The following CDKL5 variants were observed in gnomAD, a reference collection of about 807,000 sequenced individuals.
CDKL5 encodes cyclin-dependent kinase-like 5.
A neutral mutation model predicts 61.7 loss-of-function variants in CDKL5; 8 were observed. The ratio of observed to expected loss-of-function variants is 0.13; its 90% CI spans 0.08 to 0.23. The LOEUF (loss-of-function observed/expected upper bound fraction) is 0.23. Ranked by LOEUF, CDKL5 falls within the 10% of genes least tolerant of loss-of-function variation. The pLI, the probability that CDKL5 is intolerant of heterozygous loss-of-function variation, is 1.00. For synonymous variants in CDKL5, 275 were observed against 272.3 expected (o/e 1.01, Z -0.10); for missense variants, 440 against 734.5 (o/e 0.60, Z 4.63).
At chrX:18,647,488 C>G in intron 20 of CDKL5, 1 of 520,027 alleles carries the variant, frequency 1.9e-6, no homozygotes. Flanking sequence ...GCTGTGTCTT[C>G]AACGGTTCAC....
intron 4 of CDKL5, among the ~76,000 whole-genome samples, chrX:18,572,723 A>G: frequency 8.9e-6 from 1 of 112,085 alleles, no homozygotes; most frequent in East Asian, 2.8e-4. Flanking sequence ...GTATGGGCAG[A>G]GATTTCCTTA....
intron 1 of CDKL5, among the ~76,000 whole-genome samples, chrX:18,447,736 C>T (rs969961692): frequency 9.0e-6 from 1 of 111,727 alleles, no homozygotes; most frequent in African/African-American, 3.3e-5. Flanking sequence ...CTGGTTTTGA[C>T]TTCTTAGCCA....
intron 3 of CDKL5, among the ~76,000 whole-genome samples, chrX:18,563,287 T>C (rs751947786): frequency 1.8e-5 from 2 of 111,862 alleles, no homozygotes; most frequent in Admixed American, 1.9e-4. Flanking sequence ...CAATGTATTA[T>C]GGGAGAGTAG....
chrX:18,499,661 A>G (rs901623497), intron 1 of CDKL5, among the ~76,000 whole-genome samples: 15 of 111,030 alleles, frequency 1.4e-4, no homozygotes, highest in Non-Finnish European at 2.8e-4. Context: ...GAGCCACTGC[A>G]CCCGGCCAGT....
intron 16 of CDKL5, among the ~76,000 whole-genome samples, chrX:18,620,798 A>C (rs766470848): frequency 2.7e-5 from 3 of 110,305 alleles, no homozygotes; most frequent in East Asian, 2.8e-4. Flanking sequence ...CCCAGGCTGG[A>C]GTGCAGTGGC....
Position 18,630,828 on chromosome X carries a change from T to G in CDKL5, c.*2071T>G. ...ACCAGTTCAGTACTGTTTGGGTAGC[T>G]CTGAATTCTGGCTTTTCCAGGCAGC... On this transcript the variant is annotated 3_prime_UTR_variant, in exon 18 of 18. Transcript: ENST00000623535. 18 of 751,914 alleles carry G rather than the reference T, an allele frequency of 2.4e-5. No individual in the cohort carries two copies. Among genetic ancestry groups the G allele is most frequent in the Non-Finnish European group, 2.5e-5 (16 of 638,718 alleles). The allele number at this position is 751,914 out of a possible 1,213,427, so 62.0% of individuals were successfully genotyped here.
At chrX:18,506,608 A>G (rs1416152184) in intron 1 of CDKL5, among the ~76,000 whole-genome samples, 1 of 112,417 alleles carries the variant, frequency 8.9e-6, no homozygotes, top group Non-Finnish European at 1.9e-5. Context: ...TAAGTAGAAT[A>G]TAGTATTTGT....
Position 18,507,038 on chromosome X carries a change from C to T in CDKL5, c.-59C>T. ...GTTTTGGATCTTACTGCACAGCTTT[C>T]TGAGAAGTTCTTTTGGTGCCATGTT... is the stretch of plus-strand genomic sequence containing the variant. On this transcript the variant is annotated 5_prime_UTR_variant, in exon 2 of 18. Transcript: ENST00000623535. The T allele has an allele frequency of 1.1e-6, 1 of 894,326 alleles. No homozygotes were observed. Among genetic ancestry groups the T allele is most frequent in the Admixed American group, 2.2e-5 (1 of 45,445 alleles). 73.7% of individuals were successfully genotyped at this position (894,326 alleles called of 1,213,427 possible).
chrX:18,451,910 G>A (rs1163782474), intron 1 of CDKL5, among the ~76,000 whole-genome samples: 8 of 112,120 alleles, frequency 7.1e-5, no homozygotes, highest in African/African-American at 1.3e-4. Context: ...ATTGGAAGTC[G>A]GAAGAGAGAT....
chrX:18,567,056 C>T (rs964773128), intron 4 of CDKL5, among the ~76,000 whole-genome samples: 2 of 111,794 alleles, frequency 1.8e-5, no homozygotes, highest in Admixed American at 1.9e-4. Context: ...CCAGTCTGGC[C>T]CACTTACCTA....
chrX:18,426,050 G>T (rs942528856), intron 1 of CDKL5: 1 of 112,396 alleles, frequency 8.9e-6, no homozygotes, highest in African/African-American at 3.2e-5. Context: ...CCGCTCCCGC[G>T]GCACGAGCTC....
intron 1 of CDKL5, among the ~76,000 whole-genome samples, chrX:18,445,853 T>G (rs1931863370): frequency 9.0e-6 from 1 of 111,210 alleles, no homozygotes; most frequent in Non-Finnish European, 1.9e-5. Context: ...GGTAGTATCT[T>G]TAAAGCAGTG....
intron 3 of CDKL5, among the ~76,000 whole-genome samples, chrX:18,560,653 C>A (rs1034109426): frequency 9.0e-6 from 1 of 111,022 alleles, no homozygotes; most frequent in African/African-American, 3.3e-5. Flanking sequence ...AAAGATCCAA[C>A]CTAGAAGTTG....
intron 14 of CDKL5, 70 bp downstream of exon 14, chrX:18,609,640 C>T (rs1926481860): frequency 8.4e-7 from 1 of 1,190,057 alleles, no homozygotes; most frequent in East Asian, 3.0e-5. Flanking sequence ...ACACTGCTTT[C>T]ACCGACTCAG....
intron 3 of CDKL5, among the ~76,000 whole-genome samples, chrX:18,559,876 A>C (rs1296894702): frequency 9.8e-6 from 1 of 101,688 alleles, no homozygotes; most frequent in Non-Finnish European, 2.0e-5. Flanking sequence ...GAGTGAGAAC[A>C]TGCGGTGTTT....
intron 1 of CDKL5, among the ~76,000 whole-genome samples, chrX:18,451,575 G>A (rs150467630): frequency 0.044 from 4,878 of 111,447 alleles, 198 homozygotes; most frequent in East Asian, 0.18. Flanking sequence ...GTCTCACTCT[G>A]TTGCCTGGGC....
chrX:18,426,872 G>C (rs1931378579), intron 1 of CDKL5: 1 of 112,338 alleles, frequency 8.9e-6, no homozygotes, highest in Non-Finnish European at 1.9e-5. Flanking sequence ...CTTTCTTGCT[G>C]TAGGGTTACA....
At chrX:18,489,742 GA>G (rs1462254506) in intron 1 of CDKL5, among the ~76,000 whole-genome samples, 1 of 110,167 alleles carries the variant, frequency 9.1e-6, no homozygotes, top group African/African-American at 3.3e-5. Flanking sequence ...ATGTCTCCCT[GA>G]AATGTACAAA....
At chrX:18,605,269 A>G (rs1050263676) in intron 12 of CDKL5, among the ~76,000 whole-genome samples, 3 of 111,995 alleles carry the variant, frequency 2.7e-5, no homozygotes, top group Admixed American at 9.5e-5. Flanking sequence ...ACATTTGCTT[A>G]AATCAAAAGC....
Sources: allele counts gnomAD v4.1 joint callset (sites outside exome capture counted in the v4.1 genomes callset), GRCh38; gene constraint gnomAD v4.1.1; transcripts MANE v1.5; gene names NCBI Gene and HGNC (gene_info 2026-07-23, HGNC 2026-07-21).